Variants in ZMAT1 observed in about 807,000 individuals in gnomAD.
The protein encoded by ZMAT1 is zinc finger matrin-type 1, also known as zinc finger matrin-type protein 1.
ZMAT1 carries 11 observed loss-of-function variants against 18.5 expected under a neutral mutation model. The observed-to-expected ratio is 0.59, with a 90% confidence interval of 0.37 to 0.98. The LOEUF (loss-of-function observed/expected upper bound fraction) is 0.98. Ranked by LOEUF, ZMAT1 falls within the 50% of genes least tolerant of loss-of-function variation. The pLI, the probability that ZMAT1 is intolerant of heterozygous loss-of-function variation, is 0.01. For synonymous variants in ZMAT1, 211 were observed against 176.4 expected, an observed-to-expected ratio of 1.20 and a Z score of -1.55; for missense variants, 525 against 496.2, an observed-to-expected ratio of 1.06 and a Z score of -0.55.
chrX:101,915,089 G>C (rs750910201), intron 1 of ZMAT1, among the ~76,000 whole-genome samples: 124 of 111,357 alleles, frequency 1.1e-3, no homozygotes, highest in African/African-American at 3.8e-3. Flanking sequence ...AAAACCATAT[G>C]ATCATTTCAA....
At chrX:101,910,916 A>C (rs1396403168) in intron 1 of ZMAT1, among the ~76,000 whole-genome samples, 1 of 111,763 alleles carries the variant, frequency 8.9e-6, no homozygotes, top group Non-Finnish European at 1.9e-5. Flanking sequence ...ATCAATATCC[A>C]AGTACAAGAA....
At chrX:101,914,818 A>G (rs2090475033) in intron 1 of ZMAT1, among the ~76,000 whole-genome samples, 1 of 111,841 alleles carries the variant, frequency 8.9e-6, no homozygotes, top group Non-Finnish European at 1.9e-5. Flanking sequence ...GGAGGAAGCA[A>G]TACTTCCAAA....
At chrX:101,906,534 G>C (rs143300445) in intron 1 of ZMAT1, among the ~76,000 whole-genome samples, 2,040 of 111,971 alleles carry the variant, frequency 0.018, 52 homozygotes, top group African/African-American at 0.063. Context: ...GCTGGCACCT[G>C]TAGCTCTTGC....
intron 2 of ZMAT1, among the ~76,000 whole-genome samples, chrX:101,902,251 T>C (rs1322608688): frequency 1.8e-5 from 2 of 112,072 alleles, no homozygotes; most frequent in African/African-American, 6.5e-5. Context: ...ATCTATTCTA[T>C]GGACTGTTCA....
At chrX:101,886,563 C>A in intron 5 of ZMAT1, 69 bp downstream of exon 5, 2 of 745,355 alleles carry the variant, frequency 2.7e-6, no homozygotes, top group Non-Finnish European at 4.0e-6. Context: ...TTGTAAAATA[C>A]ATCAAAGAGT....
At chrX:101,885,073 A>G (rs763863439) in intron 5 of ZMAT1, among the ~76,000 whole-genome samples, 6 of 111,136 alleles carry the variant, frequency 5.4e-5, no homozygotes, top group Admixed American at 9.6e-5. Context: ...AGGAGCATGG[A>G]AAATGATATA....
intron 1 of ZMAT1, among the ~76,000 whole-genome samples, chrX:101,915,354 T>A (rs753851147): frequency 0.017 from 1,790 of 108,195 alleles, 25 homozygotes; most frequent in African/African-American, 0.047. Flanking sequence ...ACAAAAAATA[T>A]ATATATATAT....
intron 2 of ZMAT1, among the ~76,000 whole-genome samples, chrX:101,902,726 A>T (rs1022531229): frequency 2.7e-5 from 3 of 112,054 alleles, no homozygotes; most frequent in African/African-American, 9.7e-5. Flanking sequence ...GTAAATCTTC[A>T]AAGTTTTAGA....
intron 1 of ZMAT1, among the ~76,000 whole-genome samples, chrX:101,917,952 A>T (rs972085892): frequency 8.9e-6 from 1 of 112,032 alleles, no homozygotes; most frequent in African/African-American, 3.2e-5. Context: ...AACATTGCAT[A>T]TTCTCACTTA....
intron 1 of ZMAT1, among the ~76,000 whole-genome samples, chrX:101,922,073 C>T (rs995848622): frequency 2.7e-5 from 3 of 110,993 alleles, no homozygotes; most frequent in Non-Finnish European, 5.7e-5. Context: ...GTCAAACAAC[C>T]ATTTCCAGGC....
At chrX:101,927,438 T>G (rs747947980) in intron 1 of ZMAT1, among the ~76,000 whole-genome samples, 3 of 112,238 alleles carry the variant, frequency 2.7e-5, no homozygotes, top group African/African-American at 9.7e-5. Flanking sequence ...ACCTGACTTA[T>G]GAGTTTGCCA....
chrX:101,911,569 C>T, intron 1 of ZMAT1: 2 of 1,148,787 alleles, frequency 1.7e-6, no homozygotes, highest in Non-Finnish European at 2.4e-6. Flanking sequence ...AGGGGAGAAG[C>T]CCTATGAATG....
chrX:101,892,764 G>C (rs1303050294), intron 4 of ZMAT1: 3 of 746,207 alleles, frequency 4.0e-6, no homozygotes, highest in Non-Finnish European at 4.7e-6. Flanking sequence ...GCTGGATGAG[G>C]GACATGAAGA....
chrX:101,910,614 A>G lies in ZMAT1; in HGVS notation c.293-6284T>C, dbSNP rs990712081. Among the ~76,000 whole-genome samples the G allele has an allele frequency of 2.0e-4, 22 of 112,564 alleles. No individual in the cohort carries two copies. In the Admixed American group the frequency reaches 2.0e-3, roughly 10 times the overall value. ...AAAAAGAATCAGGCAGAAATACTGG[A>G]GCTGAAAAATCAACTGGCATACTGA... On this transcript the variant is annotated intron_variant, in intron 1 of 5. Transcript: ENST00000651725.
chrX:101,904,203 C>T (rs763615460), intron 2 of ZMAT1, 21 bp downstream of exon 2: 12 of 1,129,550 alleles, frequency 1.1e-5, no homozygotes, highest in Non-Finnish European at 1.3e-5. Flanking sequence ...TTAGACCCTA[C>T]TTCCATTATT....
intron 4 of ZMAT1, chrX:101,894,950 G>C (rs1488876002): frequency 1.5e-6 from 1 of 679,713 alleles, no homozygotes; most frequent in East Asian, 1.6e-4. Context: ...AAGAGCAAGT[G>C]GATCACTCCA....
chrX:101,925,827 T>G (rs745674242), intron 1 of ZMAT1, among the ~76,000 whole-genome samples: 5 of 112,480 alleles, frequency 4.4e-5, no homozygotes, highest in Non-Finnish European at 9.4e-5. Context: ...GCTGGATAAC[T>G]GATTGTGGTG....
At chrX:101,887,193 C>G (rs1019824800) in intron 4 of ZMAT1, 1 of 740,910 alleles carries the variant, frequency 1.3e-6, no homozygotes, top group Non-Finnish European at 1.6e-6. Context: ...TTTTTACTCT[C>G]TTACCTGAGA....
chrX:101,927,397 T>C (rs1421351385), intron 1 of ZMAT1, among the ~76,000 whole-genome samples: 1 of 112,023 alleles, frequency 8.9e-6, no homozygotes, highest in African/African-American at 3.2e-5. Context: ...TGCTATCTAG[T>C]GTCCTTAGTT....
Sources: allele counts gnomAD v4.1 joint callset (sites outside exome capture counted in the v4.1 genomes callset), GRCh38; gene constraint gnomAD v4.1.1; transcripts MANE v1.5; gene names NCBI Gene and HGNC (gene_info 2026-07-23, HGNC 2026-07-21).